The following GALNT4 variants were observed in gnomAD, a reference collection of about 807,000 sequenced individuals.
GALNT4 encodes the protein polypeptide N-acetylgalactosaminyltransferase 4.
A neutral mutation model predicts 45.1 loss-of-function variants in GALNT4; 23 were observed. The ratio of observed to expected loss-of-function variants is 0.51; its 90% CI spans 0.37 to 0.72. The LOEUF is 0.72. Ranked by LOEUF, GALNT4 falls within the 30% of genes least tolerant of loss-of-function variation. The probability of loss-of-function intolerance (pLI) is 0.00; values close to 1 mark genes in which losing one functional copy is unlikely to be tolerated. For missense variants in GALNT4, 757 were observed against 709.0 expected (o/e 1.07, Z -0.77); for synonymous variants, 264 against 257.6 (o/e 1.02, Z -0.24).
Position 89,523,165 on chromosome 12 carries a change from G to C in GALNT4, c.1385C>G (p.Ser462Cys). 1 of 1,613,638 alleles carries C rather than the reference G, an allele frequency of 6.2e-7. No individual in the cohort carries two copies. Among genetic ancestry groups the C allele is most frequent in the African/African-American group, 1.3e-5 (1 of 75,046 alleles). The change falls in exon 1 of 1, where the codon TCT becomes TGT. Residue 462 changes from serine to cysteine, a missense_variant. Physicochemically the swap from Ser to Cys is moderately radical, Grantham distance 112. Coordinates refer to ENST00000529983, the MANE Select transcript of GALNT4 (RefSeq NM_003774.5). ...AGCACCTGTGGGGTTGTTGTCAGGA[G>C]AATTATAATCTAAACATTCAGACGA... is the stretch of plus-strand genomic sequence containing the variant. ...GISSECLDYN[S>C]PDNNPTGANL...
In GALNT4 at chr12:89,522,896, GAT is replaced by G; in HGVS notation, c.1652_1653del (p.Tyr551SerfsTer8). On this transcript the variant is annotated frameshift_variant, in exon 1 of 1. Transcript: ENST00000529983. LOFTEE classifies it high-confidence loss of function. Reference sequence around the variant, plus strand: ...ACATCAGGTCGGCCCTCCGGTGTCCGATAAGCACTAAGACACAGTCCTGAGTG... The same window carrying G: ...ACATCAGGTCGGCCCTCCGGTGTCCGAAGCACTAAGACACAGTCCTGAGTG... ...HPHSGLCLSA[Y>X]RTPEGRPDVQ... 1 of 1,613,854 alleles carries G rather than the reference GAT, an allele frequency of 6.2e-7. No individual in the cohort carries two copies. Among genetic ancestry groups the G allele is most frequent in the African/African-American group, 1.3e-5 (1 of 75,014 alleles).
rs1268845219 is a variant in GALNT4, at chr12:89,520,147, T to C, written c.*2666A>G. ...TGAGGAATGAACAGCCTAACTATAC[T>C]GGATTATTGATATAAATAAAGCACC... On this transcript the variant is annotated 3_prime_UTR_variant, in exon 1 of 1. Coordinates refer to ENST00000529983, the MANE Select transcript of GALNT4 (RefSeq NM_003774.5). 6.6e-6 allele frequency: 1 copy of C among 152,122 alleles called. No individual in the cohort carries two copies. Among genetic ancestry groups the C allele is most frequent in the Non-Finnish European group, 1.5e-5 (1 of 68,020 alleles). 9.4% of individuals were successfully genotyped at this position (152,122 alleles called of 1,614,324 possible).
chr12:89,523,232 C>A lies in GALNT4; in HGVS notation c.1318G>T (p.Asp440Tyr). The A allele has an allele frequency of 6.2e-7, 1 of 1,614,030 alleles. No homozygotes were observed. The highest frequency in any genetic ancestry group is 1.3e-5 in the African/African-American group (1 of 75,034). ...NVFPNLHVPEDRPGWHGAIRS... is the reference protein window; with the variant it reads ...NVFPNLHVPEYRPGWHGAIRS... ...ATAGCCCCATGCCAGCCTGGTCTAT[C>A]CTCTGGAACATGTAAATTAGGAAAA... is the stretch of plus-strand genomic sequence containing the variant. The change falls in exon 1 of 1, where the codon GAT (aspartate) becomes TAT (tyrosine). Residue 440 changes from aspartate to tyrosine, a missense_variant. Transcript: ENST00000529983.
chr12:89,523,409 G>A lies in GALNT4; in HGVS notation c.1141C>T (p.Arg381Trp), dbSNP rs747590451. 8.1e-6 allele frequency: 13 copies of A among 1,613,870 alleles called. No homozygotes were observed. Among genetic ancestry groups the A allele is most frequent in the African/African-American group, 4.0e-5 (3 of 74,910 alleles). ...TCATCCATCCAAACTTCTGCTGCCCGAGCAGTATTCTGTAGGAAATTGGGG... is the reference window on the plus strand; with the variant it reads ...TCATCCATCCAAACTTCTGCTGCCCAAGCAGTATTCTGTAGGAAATTGGGG... The part of the protein sequence containing the change: ...ARPNFLQNTA[R>W]AAEVWMDEYK... The change falls in exon 1 of 1, where the codon CGG becomes TGG. Residue 381 changes from arginine to tryptophan, a missense_variant. Coordinates refer to ENST00000529983, the MANE Select transcript of GALNT4 (RefSeq NM_003774.5).
At position 89,524,649 on chromosome 12, in the gene GALNT4, T is replaced by G; in HGVS notation, c.-100A>C. ...TCGAGCTCAGGTACTTCCCAGCAGG[T>G]TCTTCCTTTCATGCAGGCGCTAGGC... On this transcript the variant is annotated 5_prime_UTR_variant, in exon 1 of 1. Transcript: ENST00000529983. The G allele has an allele frequency of 7.9e-7, 1 of 1,273,568 alleles. No homozygotes were observed. Among genetic ancestry groups the G allele is most frequent in the Non-Finnish European group, 1.1e-6 (1 of 909,206 alleles). The allele number at this position is 1,273,568 out of a possible 1,614,324, so 78.9% of individuals were successfully genotyped here. A position where few individuals can be genotyped will look rare whatever the true frequency, so the allele number is the denominator to read the frequency against.
Position 89,524,688 on chromosome 12 carries a change from C to A in GALNT4, c.-139G>T. 5.5e-6 allele frequency: 5 copies of A among 912,674 alleles called. No individual in the cohort carries two copies. The highest frequency in any genetic ancestry group is 8.3e-6 in the Non-Finnish European group (5 of 603,658). The allele number at this position is 912,674 out of a possible 1,614,324, so 56.5% of individuals were successfully genotyped here. A position where few individuals can be genotyped will look rare whatever the true frequency, so the allele number is the denominator to read the frequency against. ...CAGGCGCTAGGCTCCTTTCCAGCCACCCAGGCTTTCCAGGGGTCACCTGAG... is the reference window on the plus strand; with the variant it reads ...CAGGCGCTAGGCTCCTTTCCAGCCAACCAGGCTTTCCAGGGGTCACCTGAG... On this transcript the variant is annotated 5_prime_UTR_variant, in exon 1 of 1. Transcript: ENST00000529983.
chr12:89,524,513 G>A lies in GALNT4; in HGVS notation c.37C>T (p.Leu13=). Residue 13 remains leucine, a synonymous_variant, in exon 1 of 1, where the codon CTG becomes TTG. Transcript: ENST00000529983. ...GCCACTGTTAAAAACGCCAGCAGCA[G>A]GCAGCTCTTGCCTGCCCAAGTCCAC... is the stretch of plus-strand genomic sequence containing the variant. ...VRWTWAGKSC[L]LLAFLTVAYI... 6.2e-7 allele frequency: 1 copy of A among 1,612,078 alleles called. No individual in the cohort carries two copies. Among genetic ancestry groups the A allele is most frequent in the African/African-American group, 1.3e-5 (1 of 75,014 alleles).
rs1013590808 is a variant in GALNT4 at position 89,521,849 on chromosome 12, C to T, written c.*964G>A. 7.5e-6 allele frequency: 3 copies of T among 397,512 alleles called. No individual in the cohort carries two copies. 24.6% of individuals were successfully genotyped at this position (397,512 alleles called of 1,614,324 possible). A position where few individuals can be genotyped will look rare whatever the true frequency, so the allele number is the denominator to read the frequency against. On this transcript the variant is annotated 3_prime_UTR_variant, in exon 1 of 1. Coordinates refer to ENST00000529983, the MANE Select transcript of GALNT4 (RefSeq NM_003774.5). The stretch of plus-strand genomic sequence containing the variant: ...CTTAAATTTCCTGATCAGCAGAACT[C>T]GTAGGAGAGTTCCACAGCCTTGGTA...
At position 89,522,445 on chromosome 12, in the gene GALNT4, G is replaced by C; in HGVS notation, c.*368C>G. 2.8e-6 allele frequency: 1 copy of C among 361,010 alleles called. No individual in the cohort carries two copies. Among genetic ancestry groups the C allele is most frequent in the Non-Finnish European group, 4.9e-6 (1 of 203,750 alleles). 22.4% of individuals were successfully genotyped at this position (361,010 alleles called of 1,614,324 possible). On this transcript the variant is annotated 3_prime_UTR_variant, in exon 1 of 1. Coordinates refer to ENST00000529983, the MANE Select transcript of GALNT4 (RefSeq NM_003774.5). ...GTTTTGTTAAAAAGTGGGATGTGCG[G>C]TGAACTTACACATCAACATAAATCA...
chr12:89,523,426 A>C lies in GALNT4; in HGVS notation c.1124T>G (p.Phe375Cys), dbSNP rs1324444059. Residue 375 changes from phenylalanine to cysteine, a missense_variant, in exon 1 of 1, where the codon TTC becomes TGC. Physicochemically the swap from Phe to Cys is radical, Grantham distance 205 (BLOSUM62 -2). Coordinates refer to ENST00000529983, the MANE Select transcript of GALNT4 (RefSeq NM_003774.5). ...TGCTGCCCGAGCAGTATTCTGTAGGAAATTGGGGCGAGCATATGGTGCCCG... is the reference window on the plus strand; with the variant it reads ...TGCTGCCCGAGCAGTATTCTGTAGGCAATTGGGGCGAGCATATGGTGCCCG... Reference protein sequence around the residue: ...PKRAPYARPNFLQNTARAAEV... With the variant: ...PKRAPYARPNCLQNTARAAEV... The C allele has an allele frequency of 6.2e-7, 1 of 1,613,884 alleles. No homozygotes were observed. The highest frequency in any genetic ancestry group is 1.3e-5 in the African/African-American group (1 of 74,906).
rs1241835449 is a variant in GALNT4, at chr12:89,519,719, G to T, written c.*3094C>A. ...TGATTTGCCATCTTATAATGAATAT[G>T]CAGGAACTTACTAATGGGTAAGTAA... On this transcript the variant is annotated 3_prime_UTR_variant, in exon 1 of 1. Transcript: ENST00000529983. 2 of 152,468 alleles carry T rather than the reference G, an allele frequency of 1.3e-5. No individual in the cohort carries two copies. Among genetic ancestry groups the T allele is most frequent in the African/African-American group, 4.8e-5 (2 of 41,400 alleles). The allele number at this position is 152,468 out of a possible 1,614,324, so 9.4% of individuals were successfully genotyped here.
chr12:89,522,231 C>T lies in GALNT4; in HGVS notation c.*582G>A, dbSNP rs1870948066. Reference sequence around the variant, plus strand: ...TGTTAAAAAGGCCTCCAAACTCACACTCAAACAAATGCCCTCTTCCAATTA... The same window carrying T: ...TGTTAAAAAGGCCTCCAAACTCACATTCAAACAAATGCCCTCTTCCAATTA... On this transcript the variant is annotated 3_prime_UTR_variant, in exon 1 of 1. Transcript: ENST00000529983. The T allele has an allele frequency of 1.0e-5, 4 of 398,384 alleles. No individual in the cohort carries two copies. The highest frequency in any genetic ancestry group is 1.8e-5 in the Non-Finnish European group (4 of 226,030). The allele number at this position is 398,384 out of a possible 1,614,324, so 24.7% of individuals were successfully genotyped here.
rs1449399076 is a variant in GALNT4, at chr12:89,520,188, C to T, written c.*2625G>A. 2 of 152,042 alleles carry T rather than the reference C, an allele frequency of 1.3e-5. No homozygotes were observed. Among genetic ancestry groups the T allele is most frequent in the South Asian group, 2.1e-4 (1 of 4,816 alleles). The allele number at this position is 152,042 out of a possible 1,614,324, so 9.4% of individuals were successfully genotyped here. On this transcript the variant is annotated 3_prime_UTR_variant, in exon 1 of 1. Coordinates refer to ENST00000529983, the MANE Select transcript of GALNT4 (RefSeq NM_003774.5). Reference sequence around the variant, plus strand: ...ATAAAGCACCACTGTAAAATCTCTTCCTAAAAGATTGCTGGGTCACACCTA... The same window carrying T: ...ATAAAGCACCACTGTAAAATCTCTTTCTAAAAGATTGCTGGGTCACACCTA...
Position 89,524,307 on chromosome 12 carries a change from G to T in GALNT4, c.243C>A (p.Ser81Arg), listed in dbSNP as rs1200681298. ...SRALGEWGKA[S>R]KLQLNEDELK... is the part of the protein sequence containing the mutation. ...GTTCATCCTCGTTGAGCTGGAGTTT[G>T]CTGGCTTTCCCCCACTCCCCAAGTG... is the stretch of plus-strand genomic sequence containing the variant. The change falls in exon 1 of 1, where the codon AGC (serine) becomes AGA (arginine). Residue 81 changes from serine to arginine, a missense_variant. By Grantham distance (110) the Ser-to-Arg change is moderately radical. Transcript: ENST00000529983. 2 of 1,613,904 alleles carry T rather than the reference G, an allele frequency of 1.2e-6. No homozygotes were observed.
rs184768321 is a variant in GALNT4 at position 89,524,310 on chromosome 12, G to A, written c.240C>T (p.Ala80=). ...CATCCTCGTTGAGCTGGAGTTTGCTGGCTTTCCCCCACTCCCCAAGTGCAC... is the reference window on the plus strand; with the variant it reads ...CATCCTCGTTGAGCTGGAGTTTGCTAGCTTTCCCCCACTCCCCAAGTGCAC... ...DSRALGEWGK[A]SKLQLNEDEL... The change falls in exon 1 of 1, where the codon GCC becomes GCT. Residue 80 remains alanine, a synonymous_variant. Transcript: ENST00000529983. The A allele has an allele frequency of 6.2e-7, 1 of 1,613,984 alleles. No individual in the cohort carries two copies. The highest frequency in any genetic ancestry group is 2.2e-5 in the East Asian group (1 of 44,890).
chr12:89,523,363 T>C lies in GALNT4; in HGVS notation c.1187A>G (p.Asn396Ser), dbSNP rs370022216. ...TTCTTTTCTTGCTGGAGGGTTTCTATTGTAGAAGTGCTCTTTGTATTCATC... is the reference window on the plus strand; with the variant it reads ...TTCTTTTCTTGCTGGAGGGTTTCTACTGTAGAAGTGCTCTTTGTATTCATC... ...WMDEYKEHFY[N>S]RNPPARKEAY... is the part of the protein sequence containing the mutation. Residue 396 changes from asparagine (N) to serine (S), a missense_variant, in exon 1 of 1, where the codon AAT becomes AGT. Coordinates refer to ENST00000529983, the MANE Select transcript of GALNT4 (RefSeq NM_003774.5). 7.4e-6 allele frequency: 12 copies of C among 1,613,970 alleles called. No homozygotes were observed. The highest frequency in any genetic ancestry group is 4.0e-5 in the African/African-American group (3 of 74,956).
rs1259711540 is a variant in GALNT4, at chr12:89,524,476, A to G, written c.74T>C (p.Val25Ala). 2 of 1,613,548 alleles carry G rather than the reference A, an allele frequency of 1.2e-6. No homozygotes were observed. The highest frequency in any genetic ancestry group is 2.2e-5 in the East Asian group (1 of 44,886). The change falls in exon 1 of 1, where the codon GTG becomes GCG. Residue 25 changes from valine to alanine, a missense_variant. Physicochemically the swap from Val to Ala is moderately conservative, Grantham distance 64. Transcript: ENST00000529983. The stretch of plus-strand genomic sequence containing the variant: ...ATGAAAAGTAGAGACCAAGAGCTCC[A>G]CGAAGATATAGGCCACTGTTAAAAA... Reference protein sequence around the residue: ...LAFLTVAYIFVELLVSTFHAS... With the variant: ...LAFLTVAYIFAELLVSTFHAS...
rs892866656 is a variant in GALNT4 at position 89,521,624 on chromosome 12, A to G, written c.*1189T>C. The stretch of plus-strand genomic sequence containing the variant: ...CCAATCCAGCACCCACATTTTACCA[A>G]TGAGAAAACTAAGCCCAAACACATC... On this transcript the variant is annotated 3_prime_UTR_variant, in exon 1 of 1. Coordinates refer to ENST00000529983, the MANE Select transcript of GALNT4 (RefSeq NM_003774.5). The G allele has an allele frequency of 4.6e-5, 8 of 174,132 alleles. No individual in the cohort carries two copies. Among genetic ancestry groups the G allele is most frequent in the Admixed American group, 1.3e-4 (2 of 15,902 alleles). The allele number at this position is 174,132 out of a possible 1,614,324, so 10.8% of individuals were successfully genotyped here.
At position 89,522,068 on chromosome 12, in the gene GALNT4, G is replaced by A. The variant is rs569096701; in HGVS notation, c.*745C>T. 10 of 398,804 alleles carry A rather than the reference G, an allele frequency of 2.5e-5. No homozygotes were observed. Among genetic ancestry groups the A allele is most frequent in the Non-Finnish European group, 4.0e-5 (9 of 226,044 alleles). 24.7% of individuals were successfully genotyped at this position (398,804 alleles called of 1,614,324 possible). ...GAAAATGCCCTACACACACAAACAC[G>A]TTCACAGAGAAGACAGCTTACAAAA... On this transcript the variant is annotated 3_prime_UTR_variant, in exon 1 of 1. Coordinates refer to ENST00000529983, the MANE Select transcript of GALNT4 (RefSeq NM_003774.5).
Sources: gnomAD v4.1 joint callset for allele counts on GRCh38, gnomAD v4.1.1 for gene constraint, MANE v1.5 for transcripts, NCBI Gene and HGNC (gene_info 2026-07-23, HGNC 2026-07-21) for gene names.